The following TIAM2 variants were observed in gnomAD, a reference collection of about 807,000 sequenced individuals.
The protein encoded by TIAM2 is rho guanine nucleotide exchange factor TIAM2.
A neutral mutation model predicts 152.9 loss-of-function variants in TIAM2; 80 were observed. That is an observed-to-expected ratio of 0.52 (90% CI 0.44 to 0.63). TIAM2 has a LOEUF of 0.63. Among genes scored for constraint, TIAM2 ranks in the 30% least tolerant of loss-of-function variants. The pLI, the probability that TIAM2 is intolerant of heterozygous loss-of-function variation, is 0.00. For synonymous variants in TIAM2, 804 were observed against 838.0 expected (o/e 0.96, Z 0.70); for missense variants, 1,965 against 2,120.1 (o/e 0.93, Z 1.44).
intron 1 of TIAM2, among the ~76,000 whole-genome samples, chr6:155,015,950 A>C (rs1208510843): frequency 4.0e-5 from 6 of 149,372 alleles, no homozygotes; most frequent in African/African-American, 1.5e-4. Context: ...AAACCAAAAA[A>C]AAAAAAAAAA....
intron 1 of TIAM2, among the ~76,000 whole-genome samples, chr6:155,037,295 A>G (rs1315345536): frequency 6.6e-6 from 1 of 152,190 alleles, no homozygotes; most frequent in Non-Finnish European, 1.5e-5. Context: ...CAGCATAACT[A>G]GCGTATAGAA....
intron 14 of TIAM2, among the ~76,000 whole-genome samples, chr6:155,203,619 A>AT (rs1554240730): frequency 6.6e-6 from 1 of 152,148 alleles, no homozygotes; most frequent in South Asian, 2.1e-4. Context: ...CTTTGACATT[A>AT]TTTTTTAGAT....
intron 1 of TIAM2, among the ~76,000 whole-genome samples, chr6:155,024,467 T>G (rs1776559183): frequency 6.6e-6 from 1 of 152,144 alleles, no homozygotes; most frequent in Non-Finnish European, 1.5e-5. Flanking sequence ...GAATTGCCAT[T>G]TGGTGGCAGA....
At chr6:155,172,686 ATTTTTTT>A (rs113165280) in intron 9 of TIAM2, among the ~76,000 whole-genome samples, 64 of 19,576 alleles carry the variant, frequency 3.3e-3, no homozygotes, top group East Asian at 0.014. Context: ...ATATATATAT[ATTTTTTT>A]TTTTTTTTTT....
Position 155,186,660 on chromosome 6 carries a change from G to C in TIAM2, c.3064+3160G>C, listed in dbSNP as rs1202078388. Reference sequence around the variant, plus strand: ...TTCACTTGGCAGGAATTCTGAAAACGTGCTTCTCCTCCTCCTCCCTCGCTT... The same window carrying C: ...TTCACTTGGCAGGAATTCTGAAAACCTGCTTCTCCTCCTCCTCCCTCGCTT... On this transcript the variant is annotated intron_variant, in intron 14 of 26. Coordinates refer to ENST00000682666, the MANE Select transcript of TIAM2 (RefSeq NM_012454.4). The surrounding 1 kb of genome is among the most constrained non-coding windows in gnomAD (Gnocchi z 4.5). 6.6e-6 allele frequency among the ~76,000 whole-genome samples: 1 copy of C among 152,094 alleles called. No homozygotes were observed. The highest frequency in any genetic ancestry group is 2.4e-5 in the African/African-American group (1 of 41,400).
At chr6:155,221,400 C>T (rs1383796847) in intron 15 of TIAM2, among the ~76,000 whole-genome samples, 6 of 152,120 alleles carry the variant, frequency 3.9e-5, no homozygotes, top group Non-Finnish European at 7.4e-5. Context: ...AGAGCTGAGG[C>T]CACACAAAGA....
Position 155,148,335 on chromosome 6 carries a change from G to T in TIAM2, c.2028+1G>T. ...GAACAGGAAAGCCATAGAGAACCAG[G>T]TACTGTTTGTCTACACCTGAGTTTT... On this transcript the variant is annotated splice_donor_variant, in intron 7 of 26. Transcript: ENST00000682666. LOFTEE classifies it high-confidence loss of function. 1 of 1,610,400 alleles carries T rather than the reference G, an allele frequency of 6.2e-7. No homozygotes were observed. Among genetic ancestry groups the T allele is most frequent in the Non-Finnish European group, 8.5e-7 (1 of 1,179,150 alleles).
intron 19 of TIAM2, among the ~76,000 whole-genome samples, chr6:155,245,970 T>C (rs1783303920): frequency 6.6e-6 from 1 of 152,166 alleles, no homozygotes. Flanking sequence ...GTCACTTTGC[T>C]GTCAGTTACA....
chr6:155,256,375 AT>A, intron 26 of TIAM2, 108 bp from the exon 27 acceptor site: 2 of 1,491,018 alleles, frequency 1.3e-6, no homozygotes, highest in Non-Finnish European at 1.8e-6. Flanking sequence ...CTGAAGTCAT[AT>A]CATAAAATAA....
intron 7 of TIAM2, among the ~76,000 whole-genome samples, chr6:155,151,625 G>A (rs1301357614): frequency 2.0e-5 from 3 of 152,078 alleles, no homozygotes; most frequent in Non-Finnish European, 2.9e-5. Context: ...TTAAGCTGAG[G>A]ACAAAGCATG....
chr6:155,168,785 A>G, intron 9 of TIAM2: 2 of 1,357,900 alleles, frequency 1.5e-6, no homozygotes, highest in South Asian at 1.3e-5. Context: ...GAAAAAGGGT[A>G]GCTGGCAGAT....
chr6:155,006,352 G>C (rs11962194), intron 1 of TIAM2, among the ~76,000 whole-genome samples: 2 of 152,024 alleles, frequency 1.3e-5, no homozygotes, highest in African/African-American at 4.8e-5. Context: ...AACACCCAGG[G>C]CTCAAGGCAC....
intron 2 of TIAM2, among the ~76,000 whole-genome samples, chr6:155,104,875 A>C (rs1195257548): frequency 6.6e-6 from 1 of 152,192 alleles, no homozygotes; most frequent in Non-Finnish European, 1.5e-5. Context: ...TACAGTTTTC[A>C]TCCAGATAAG....
At chr6:155,022,746 G>A (rs1378865809) in intron 1 of TIAM2, among the ~76,000 whole-genome samples, 2 of 152,192 alleles carry the variant, frequency 1.3e-5, no homozygotes, top group Non-Finnish European at 2.9e-5. Flanking sequence ...GCAATGCAAT[G>A]CTTATTGTTG....
At chr6:155,038,935 A>G (rs1776969533) in intron 1 of TIAM2, among the ~76,000 whole-genome samples, 1 of 136,836 alleles carries the variant, frequency 7.3e-6, no homozygotes, top group Non-Finnish European at 1.6e-5. Flanking sequence ...TGACGGAGCG[A>G]GAGCCTGTGA....
intron 14 of TIAM2, 134 bp from the exon 15 acceptor site, chr6:155,211,070 G>C: frequency 1.7e-6 from 1 of 600,258 alleles, no homozygotes; most frequent in Non-Finnish European, 2.8e-6. Flanking sequence ...TAACCTCAGT[G>C]TCATTCAGGA....
At position 155,174,844 on chromosome 6, in the gene TIAM2, CTG is replaced by C. The variant is rs755334385; in HGVS notation, c.2362-1969_2362-1968del. On this transcript the variant is annotated intron_variant, in intron 9 of 26. Transcript: ENST00000682666. This position sits in a 1 kb window ranked among gnomAD's most constrained non-coding sequence, Gnocchi z 4.2. The stretch of plus-strand genomic sequence containing the variant: ...TTGCTCTGTCACCCTCAGTGGGAGC[CTG>C]TGACTTCCTCCGGGCCTTGTTCTTT... 7.2e-5 allele frequency among the ~76,000 whole-genome samples: 11 copies of C among 152,190 alleles called. No individual in the cohort carries two copies. The highest frequency in any genetic ancestry group is 3.2e-3 in the Middle Eastern group (1 of 316).
At chr6:155,210,513 G>C (rs572091411) in intron 14 of TIAM2, among the ~76,000 whole-genome samples, 1 of 150,760 alleles carries the variant, frequency 6.6e-6, no homozygotes, top group African/African-American at 2.4e-5. Context: ...TCAATTTCTC[G>C]TAGAGACACT....
At chr6:155,197,175 C>A (rs565051060) in intron 14 of TIAM2, among the ~76,000 whole-genome samples, 1 of 152,326 alleles carries the variant, frequency 6.6e-6, no homozygotes, top group East Asian at 1.9e-4. Flanking sequence ...CACTTGGAAA[C>A]TGCCGAATGA....
Sources: gnomAD v4.1 joint callset for allele counts (sites outside exome capture counted in the v4.1 genomes callset) on GRCh38, gnomAD v4.1.1 for gene constraint, Gnocchi (gnomAD v3.1) non-coding constraint, MANE v1.5 for transcripts, NCBI Gene and HGNC (gene_info 2026-07-23, HGNC 2026-07-21) for gene names.